Variants in VPS35L observed in about 807,000 individuals in gnomAD.
VPS35L encodes the protein VPS35 endosomal protein sorting factor like.
In VPS35L, 83 loss-of-function variants were observed where a neutral mutation model predicts 133.0. That is an observed-to-expected ratio of 0.62 (90% CI 0.52 to 0.75). The LOEUF is 0.75. Ranked by LOEUF, VPS35L falls within the 30% of genes least tolerant of loss-of-function variation. The pLI, the probability that VPS35L is intolerant of heterozygous loss-of-function variation, is 0.00. For missense variants in VPS35L, 1,083 were observed against 1,206.8 expected, an observed-to-expected ratio of 0.90 and a Z score of 1.52; for synonymous variants, 423 against 449.9, an observed-to-expected ratio of 0.94 and a Z score of 0.76.
chr16:19,642,284 C>T (rs1353802942), intron 21 of VPS35L, 112 bp from the exon 22 acceptor site: 14 of 829,476 alleles, frequency 1.7e-5, no homozygotes, highest in Non-Finnish European at 2.5e-5. Flanking sequence ...GGTGAAATGC[C>T]AGCTGGATAA....
At chr16:19,557,425 G>T (rs571723146) in intron 1 of VPS35L, among the ~76,000 whole-genome samples, 2 of 152,102 alleles carry the variant, frequency 1.3e-5, no homozygotes, top group African/African-American at 4.8e-5. Context: ...ACGGAGTCTC[G>T]CCCAGGCTTG....
At chr16:19,597,896 A>G (rs1972267605) in intron 8 of VPS35L, among the ~76,000 whole-genome samples, 1 of 152,216 alleles carries the variant, frequency 6.6e-6, no homozygotes, top group Non-Finnish European at 1.5e-5. Flanking sequence ...AAGAAGATGC[A>G]TGACAGTATA....
At chr16:19,608,152 G>T in intron 9 of VPS35L, 26 bp from the exon 10 acceptor site, 2 of 1,553,908 alleles carry the variant, frequency 1.3e-6, no homozygotes, top group South Asian at 2.2e-5. Flanking sequence ...TAGGAGGGCT[G>T]ATGGATCTTG....
chr16:19,626,326 A>G, intron 15 of VPS35L, 103 bp downstream of exon 15: 1 of 857,460 alleles, frequency 1.2e-6, no homozygotes, highest in South Asian at 1.4e-5. Context: ...AGAGAGAGGC[A>G]GGACTGCATG....
chr16:19,666,961 T>TTTCTTCCC (rs1567470608), intron 26 of VPS35L, among the ~76,000 whole-genome samples: 50 of 121,126 alleles, frequency 4.1e-4, no homozygotes, highest in African/African-American at 1.3e-3. Context: ...CCTTTCTTCC[T>TTTCTTCCC]TTCTTCCTTT....
intron 21 of VPS35L, among the ~76,000 whole-genome samples, chr16:19,641,105 C>T (rs1973774566): frequency 6.6e-6 from 1 of 151,986 alleles, no homozygotes; most frequent in African/African-American, 2.4e-5. Flanking sequence ...TGCTCTGTCA[C>T]CCAGGCTCGA....
At chr16:19,618,499 G>C (rs920748910) in intron 14 of VPS35L, among the ~76,000 whole-genome samples, 2 of 152,164 alleles carry the variant, frequency 1.3e-5, no homozygotes, top group African/African-American at 4.8e-5. Context: ...ACTGACGTAA[G>C]GGTATTCATG....
At chr16:19,689,889 A>C (rs775170698) in intron 28 of VPS35L, among the ~76,000 whole-genome samples, 1 of 152,176 alleles carries the variant, frequency 6.6e-6, no homozygotes, top group Non-Finnish European at 1.5e-5. Context: ...TTGTATGCTG[A>C]TATAAAAATA....
chr16:19,570,834 CATA>C (rs1346221252), intron 3 of VPS35L, among the ~76,000 whole-genome samples: 15 of 78,804 alleles, frequency 1.9e-4, no homozygotes, highest in African/African-American at 4.3e-4. Flanking sequence ...TGCTGTGTTT[CATA>C]TATATATATA....
chr16:19,641,519 C>T (rs1405190688), intron 21 of VPS35L, among the ~76,000 whole-genome samples: 1 of 152,056 alleles, frequency 6.6e-6, no homozygotes, highest in Non-Finnish European at 1.5e-5. Context: ...AGATATGGTT[C>T]ACTTTGGAAA....
At chr16:19,587,798 T>C (rs975778102) in intron 7 of VPS35L, among the ~76,000 whole-genome samples, 59 of 69,832 alleles carry the variant, frequency 8.4e-4, no homozygotes, top group African/African-American at 7.2e-3. Context: ...CCACATTGTC[T>C]TTTTTTTTTT....
intron 12 of VPS35L, among the ~76,000 whole-genome samples, chr16:19,610,854 G>A (rs1972693405): frequency 6.6e-6 from 1 of 152,108 alleles, no homozygotes; most frequent in Non-Finnish European, 1.5e-5. Context: ...GGGTCTGTGT[G>A]GCCTGGCTTA....
chr16:19,659,917 A>G (rs751344277), intron 26 of VPS35L, among the ~76,000 whole-genome samples: 4 of 152,232 alleles, frequency 2.6e-5, no homozygotes, highest in Non-Finnish European at 5.9e-5. Flanking sequence ...ATGTTTTGCA[A>G]TGGGGTTTGT....
At chr16:19,694,105 T>C (rs1239066904) in intron 29 of VPS35L, 3 of 152,068 alleles carry the variant, frequency 2.0e-5, no homozygotes, top group Admixed American at 6.6e-5. Context: ...TCTGTACACA[T>C]AGAAATGATA....
At chr16:19,693,757 C>G (rs1404742501) in intron 29 of VPS35L, among the ~76,000 whole-genome samples, 3 of 151,916 alleles carry the variant, frequency 2.0e-5, no homozygotes, top group Non-Finnish European at 4.4e-5. Flanking sequence ...GCACTCCAGC[C>G]TGGGCGACAG....
At chr16:19,587,063 G>C (rs1252828928) in intron 7 of VPS35L, among the ~76,000 whole-genome samples, 1 of 151,942 alleles carries the variant, frequency 6.6e-6, no homozygotes, top group Non-Finnish European at 1.5e-5. Flanking sequence ...AGGGGAAGCA[G>C]GTACATCTTT....
intron 4 of VPS35L, among the ~76,000 whole-genome samples, chr16:19,574,501 C>T (rs982646718): frequency 2.0e-5 from 3 of 152,148 alleles, no homozygotes; most frequent in Non-Finnish European, 4.4e-5. Context: ...CCATGGGGAA[C>T]GCTTGGCCTC....
Position 19,570,852 on chromosome 16 carries a change from T to TC in VPS35L, c.285+1261_285+1262insC, listed in dbSNP as rs1350981801. Among the ~76,000 whole-genome samples the TC allele has an allele frequency of 5.0e-4, 13 of 26,184 alleles. No homozygotes were observed. In the African/African-American group the frequency reaches 6.8e-3, roughly 14 times the overall value. 17.2% of individuals were successfully genotyped at this position (26,184 alleles called of 152,430 possible). The stretch of plus-strand genomic sequence containing the variant: ...TGTGTTTCATATATATATATATATA[T>TC]ATATATATATATATATATATATATA... On this transcript the variant is annotated intron_variant, in intron 3 of 30. Coordinates refer to ENST00000417362, the MANE Select transcript of VPS35L (RefSeq NM_020314.7).
intron 18 of VPS35L, among the ~76,000 whole-genome samples, chr16:19,631,867 T>C (rs916080379): frequency 2.0e-5 from 3 of 151,036 alleles, no homozygotes; most frequent in Admixed American, 1.3e-4. Flanking sequence ...TGTGGAGATG[T>C]AGAGATGGGG....
Sources: allele counts gnomAD v4.1 joint callset (sites outside exome capture counted in the v4.1 genomes callset), GRCh38; gene constraint gnomAD v4.1.1; transcripts MANE v1.5; gene names NCBI Gene and HGNC (gene_info 2026-07-23, HGNC 2026-07-21).